Variants in PMS1 observed in about 807,000 individuals in gnomAD.
PMS1 encodes the protein PMS1 protein homolog 1.
A neutral mutation model predicts 93.1 loss-of-function variants in PMS1; 79 were observed. The observed-to-expected ratio is 0.85, with a 90% CI of 0.71 to 1.02. The LOEUF is 1.02. PMS1 is among the 50% of genes least tolerant of loss of function. PMS1 has a pLI of 0.00. For missense variants in PMS1, 1,064 were observed against 1,085.3 expected (o/e 0.98, Z 0.28); for synonymous variants, 335 against 363.4 (o/e 0.92, Z 0.89).
At chr2:189,826,757 A>G (rs560650649) in intron 5 of PMS1, among the ~76,000 whole-genome samples, 74 of 152,234 alleles carry the variant, frequency 4.9e-4, no homozygotes, top group Non-Finnish European at 8.2e-4. Context: ...CCTATTTGAC[A>G]GCCTTTTATA....
intron 3 of PMS1, among the ~76,000 whole-genome samples, chr2:189,800,844 A>G (rs1403771510): frequency 6.6e-6 from 1 of 152,196 alleles, no homozygotes; most frequent in Non-Finnish European, 1.5e-5. Context: ...AATGTTATTA[A>G]GAAGAAAAAT....
At chr2:189,791,035 T>C (rs1476909165) in intron 1 of PMS1, among the ~76,000 whole-genome samples, 8 of 151,854 alleles carry the variant, frequency 5.3e-5, no homozygotes, top group African/African-American at 1.9e-4. Context: ...TGGAAGAAAT[T>C]AGAAAAAAAG....
At chr2:189,846,506 T>C (rs750589496) in intron 6 of PMS1, among the ~76,000 whole-genome samples, 41 of 147,690 alleles carry the variant, frequency 2.8e-4, no homozygotes, top group Admixed American at 7.4e-4. Context: ...AGAGCAAGAC[T>C]CCGTCTCAAA....
Position 189,854,559 on chromosome 2 carries a change from T to C in PMS1, c.1287T>C (p.Asp429=). 6.2e-7 allele frequency: 1 copy of C among 1,613,442 alleles called. No individual in the cohort carries two copies. The highest frequency in any genetic ancestry group is 8.5e-7 in the Non-Finnish European group (1 of 1,179,514). The change falls in exon 9 of 13, where the codon GAT becomes GAC. Residue 429 remains aspartate (D), a synonymous_variant. Coordinates refer to ENST00000441310, the MANE Select transcript of PMS1 (RefSeq NM_000534.5). ...GHCSSEISNI[D]KNTKNAFQDI... ...GTAGTAGTGAAATTTCTAACATTGA[T>C]AAAAACACTAAGAATGCATTTCAGG... is the stretch of plus-strand genomic sequence containing the variant.
intron 10 of PMS1, 42 bp downstream of exon 10, chr2:189,864,270 A>G (rs2056342628): frequency 7.8e-7 from 1 of 1,282,298 alleles, no homozygotes; most frequent in Admixed American, 1.7e-5. Flanking sequence ...AATATTTATT[A>G]TAATAGTTCA....
At chr2:189,874,804 T>C (rs979587464) in intron 12 of PMS1, among the ~76,000 whole-genome samples, 1 of 152,196 alleles carries the variant, frequency 6.6e-6, no homozygotes, top group Non-Finnish European at 1.5e-5. Flanking sequence ...TAGCTTAACA[T>C]TGATAGTTTC....
intron 9 of PMS1, among the ~76,000 whole-genome samples, chr2:189,861,045 A>G (rs1328814492): frequency 6.6e-6 from 1 of 151,770 alleles, no homozygotes; most frequent in East Asian, 1.9e-4. Context: ...TGCAATATTT[A>G]GTCCATGTAA....
intron 5 of PMS1, 145 bp downstream of exon 5, chr2:189,818,325 A>G (rs536061783): frequency 4.8e-6 from 3 of 618,838 alleles, no homozygotes; most frequent in South Asian, 3.8e-5. Context: ...CCACCATGTG[A>G]TGTTATTAGG....
At chr2:189,845,156 C>T (rs1208527606) in intron 6 of PMS1, among the ~76,000 whole-genome samples, 3 of 152,206 alleles carry the variant, frequency 2.0e-5, no homozygotes, top group African/African-American at 7.2e-5. Flanking sequence ...CCACGCCCAG[C>T]CTCATAATTT....
chr2:189,798,171 A>G (rs374451159), intron 3 of PMS1, among the ~76,000 whole-genome samples: 76 of 152,302 alleles, frequency 5.0e-4, no homozygotes, highest in African/African-American at 1.7e-3. Flanking sequence ...TAGCTTATCC[A>G]CTGCTTTCTA....
rs962091371 is a variant in PMS1, at chr2:189,877,237, A to G, written c.2635-35A>G. 3.1e-6 allele frequency: 5 copies of G among 1,587,946 alleles called. No homozygotes were observed. In the African/African-American group the frequency reaches 4.0e-5, roughly 13 times the overall value. On this transcript the variant is annotated intron_variant, in intron 12 of 12. Transcript: ENST00000441310. ...TAACATGTTTTCAGCTTCAGGGTATATCATGGTAAAATGTGTGACTTTCCC... is the reference window on the plus strand; with the variant it reads ...TAACATGTTTTCAGCTTCAGGGTATGTCATGGTAAAATGTGTGACTTTCCC...
intron 10 of PMS1, chr2:189,864,452 T>C: frequency 2.2e-6 from 1 of 452,318 alleles, no homozygotes; most frequent in South Asian, 1.8e-5. Context: ...GGTCAGGAGT[T>C]TGAGACCAGC....
chr2:189,843,404 A>T (rs1166306167), intron 5 of PMS1, among the ~76,000 whole-genome samples: 2 of 152,188 alleles, frequency 1.3e-5, no homozygotes, highest in African/African-American at 4.8e-5. Context: ...TTCAGTTAAC[A>T]TTTTGTGAAT....
At chr2:189,865,612 T>C (rs1418680206) in intron 10 of PMS1, among the ~76,000 whole-genome samples, 1 of 152,212 alleles carries the variant, frequency 6.6e-6, no homozygotes, top group Non-Finnish European at 1.5e-5. Flanking sequence ...TAATATAGGG[T>C]ATTTCCTTTT....
At chr2:189,860,641 A>C (rs1362663589) in intron 9 of PMS1, among the ~76,000 whole-genome samples, 2 of 151,992 alleles carry the variant, frequency 1.3e-5, no homozygotes, top group Admixed American at 6.6e-5. Flanking sequence ...TTGAAAAGTA[A>C]TGAGAATTAA....
chr2:189,791,853 C>T lies in PMS1; in HGVS notation c.44C>T (p.Ser15Phe). 6.2e-7 allele frequency: 1 copy of T among 1,613,834 alleles called. No homozygotes were observed. The highest frequency in any genetic ancestry group is 8.5e-7 in the Non-Finnish European group (1 of 1,179,716). ...GCAACAGTTCGACTCCTTTCAAGTT[C>T]TCAGATCATCACTTCGGTGGTCAGT... ...PAATVRLLSS[S>F]QIITSVVSVV... The change falls in exon 2 of 13, where the codon TCT (serine) becomes TTT (phenylalanine). Residue 15 changes from serine to phenylalanine, a missense_variant. Ser to Phe is a radical substitution (Grantham distance 155). Coordinates refer to ENST00000441310, the MANE Select transcript of PMS1 (RefSeq NM_000534.5).
intron 5 of PMS1, among the ~76,000 whole-genome samples, chr2:189,832,747 G>A (rs112813281): frequency 1.3e-5 from 2 of 152,126 alleles, no homozygotes; most frequent in African/African-American, 4.8e-5. Flanking sequence ...GTATTAAGAA[G>A]TACAGATAAT....
chr2:189,809,512 CTT>C (rs1207879181), intron 4 of PMS1, among the ~76,000 whole-genome samples: 1 of 114,046 alleles, frequency 8.8e-6, no homozygotes, highest in Non-Finnish European at 1.7e-5. Context: ...TCAGAAAAGA[CTT>C]TTCCATAAGT....
intron 6 of PMS1, among the ~76,000 whole-genome samples, chr2:189,845,925 T>C (rs915582765): frequency 2.0e-5 from 3 of 152,060 alleles, no homozygotes; most frequent in Non-Finnish European, 4.4e-5. Context: ...GGTCTTACCA[T>C]GTTGGCCGGG....
Sources: allele counts gnomAD v4.1 joint callset (sites outside exome capture counted in the v4.1 genomes callset), GRCh38; gene constraint gnomAD v4.1.1; transcripts MANE v1.5; gene names NCBI Gene and HGNC (gene_info 2026-07-23, HGNC 2026-07-21).